RB1: variants seen among roughly 807,000 people sequenced by gnomAD.
The protein encoded by RB1 is retinoblastoma-associated protein.
A neutral mutation model predicts 135.4 loss-of-function variants in RB1; 18 were observed. The ratio of observed to expected loss-of-function variants is 0.13; its 90% CI spans 0.09 to 0.20. RB1 has a LOEUF of 0.20. Ranked by LOEUF, RB1 falls within the 10% of genes least tolerant of loss-of-function variation. The pLI, the probability that RB1 is intolerant of heterozygous loss-of-function variation, is 1.00. For missense variants in RB1, 868 were observed against 1,110.0 expected (o/e 0.78, Z 3.10); for synonymous variants, 365 against 373.2 (o/e 0.98, Z 0.25).
At position 48,349,031 on chromosome 13, in the gene RB1, CATTAT is replaced by C. The variant is rs775605244; in HGVS notation, c.607+12_607+16del. The C allele has an allele frequency of 1.7e-5, 27 of 1,587,974 alleles. No homozygotes were observed. In the South Asian group the frequency reaches 3.1e-4, roughly 18 times the overall value. ...CATTTTTATTAGCTAAAGGTAAGTT[CATTAT>C]ATTTATTAAATGCTAATATTTCAAA... On this transcript the variant is annotated intron_variant, in intron 6 of 26. Transcript: ENST00000267163.
chr13:48,328,203 T>G, intron 2 of RB1: 1 of 1,477,986 alleles, frequency 6.8e-7, no homozygotes, highest in Non-Finnish European at 9.5e-7. Flanking sequence ...TGTTGGTGTA[T>G]CCCTTGCAAT....
chr13:48,388,986 C>T (rs1948592306), intron 17 of RB1, among the ~76,000 whole-genome samples: 1 of 151,838 alleles, frequency 6.6e-6, no homozygotes, highest in African/African-American at 2.4e-5. Context: ...ATGACAAAAC[C>T]CTGTCTCTAC....
At chr13:48,456,177 GA>G (rs775555783) in intron 18 of RB1, 26 bp from the exon 19 acceptor site, 1 of 1,612,974 alleles carries the variant, frequency 6.2e-7, no homozygotes, top group African/African-American at 1.3e-5. Flanking sequence ...AACTTGAAAT[GA>G]AGACTTTTCC....
In RB1 at chr13:48,447,353, G is replaced by A. The variant is rs557537285; in HGVS notation, c.1696-5640G>A. 3.3e-5 allele frequency among the ~76,000 whole-genome samples: 5 copies of A among 152,186 alleles called. No homozygotes were observed. The South Asian group carries it at 1.0e-3, about 32-fold the overall frequency. ...TGAAATACTCCTTCAAGGCTATTTAGTATCTGACAAATGGAGCATTGTTAC... is the reference window on the plus strand; with the variant it reads ...TGAAATACTCCTTCAAGGCTATTTAATATCTGACAAATGGAGCATTGTTAC... On this transcript the variant is annotated intron_variant, in intron 17 of 26. Transcript: ENST00000267163.
At chr13:48,459,886 A>C (rs969872123) in intron 20 of RB1, 53 bp downstream of exon 20, 1 of 1,004,912 alleles carries the variant, frequency 1.0e-6, no homozygotes, top group African/African-American at 2.6e-5. Context: ...TTGTTAACTG[A>C]TTCTTTCTTT....
intron 17 of RB1, among the ~76,000 whole-genome samples, chr13:48,452,495 A>G (rs947253707): frequency 1.3e-5 from 2 of 152,072 alleles, no homozygotes; most frequent in Non-Finnish European, 2.9e-5. Flanking sequence ...ATTATTCATA[A>G]TAATTCCCTA....
intron 17 of RB1, chr13:48,406,588 C>T (rs963433396): frequency 6.6e-6 from 1 of 152,220 alleles, no homozygotes; most frequent in African/African-American, 2.4e-5. Context: ...CACAGCTTCT[C>T]AGCACTTAAC....
intron 2 of RB1, chr13:48,317,836 G>T: frequency 2.7e-6 from 1 of 370,428 alleles, no homozygotes; most frequent in South Asian, 2.4e-5. Context: ...GCACACGCCA[G>T]GCGGTGGGGC....
intron 2 of RB1, chr13:48,317,116 CA>C: frequency 1.1e-6 from 1 of 904,784 alleles, no homozygotes; most frequent in Non-Finnish European, 1.5e-6. Flanking sequence ...TGTGGGCTTC[CA>C]AAGACAGGGC....
intron 20 of RB1, among the ~76,000 whole-genome samples, chr13:48,462,041 C>G (rs1000887895): frequency 6.6e-6 from 1 of 152,108 alleles, no homozygotes; most frequent in Non-Finnish European, 1.5e-5. Context: ...TTATGTTGGT[C>G]AGGCTGGTCT....
intron 17 of RB1, among the ~76,000 whole-genome samples, chr13:48,448,308 A>G (rs1372641730): frequency 2.6e-5 from 4 of 152,074 alleles, no homozygotes; most frequent in South Asian, 2.1e-4. Flanking sequence ...ATATGATTGG[A>G]GTTGTAGAGT....
chr13:48,416,407 C>G (rs1170797377), intron 17 of RB1: 1 of 152,208 alleles, frequency 6.6e-6, no homozygotes, highest in Admixed American at 6.5e-5. Context: ...GGCCCAGACT[C>G]TATGCCTTTT....
intron 2 of RB1, chr13:48,318,385 T>C: frequency 1.7e-5 from 26 of 1,496,758 alleles, no homozygotes; most frequent in Non-Finnish European, 2.4e-5. Flanking sequence ...CGCTTGGACC[T>C]TAAGTCCTTG....
chr13:48,332,414 A>T lies in RB1; in HGVS notation c.265-10185A>T, dbSNP rs192655042. ...GAGACCCCCATCTCTACGAAAAATT[A>T]AAAAAAATTTTACAGGCGGTGACAT... is the stretch of plus-strand genomic sequence containing the variant. On this transcript the variant is annotated intron_variant, in intron 2 of 26. Coordinates refer to ENST00000267163, the MANE Select transcript of RB1 (RefSeq NM_000321.3). Among the ~76,000 whole-genome samples the T allele has an allele frequency of 4.4e-3, 671 of 152,170 alleles. 9 individuals are homozygous for T. The highest frequency in any genetic ancestry group is 0.015 in the African/African-American group (643 of 41,500).
At chr13:48,331,818 C>T (rs1480086249) in intron 2 of RB1, among the ~76,000 whole-genome samples, 3 of 152,148 alleles carry the variant, frequency 2.0e-5, no homozygotes. Flanking sequence ...GCATTATTCA[C>T]AGTCGCAAAG....
chr13:48,403,536 A>C (rs1948712524), intron 17 of RB1, among the ~76,000 whole-genome samples: 1 of 152,188 alleles, frequency 6.6e-6, no homozygotes, highest in Admixed American at 6.5e-5. Context: ...TGGAAGTGGG[A>C]GTCTTAGAGA....
intron 26 of RB1, 137 bp downstream of exon 26, chr13:48,477,541 G>T: frequency 1.4e-6 from 1 of 723,016 alleles, no homozygotes; most frequent in South Asian, 1.7e-5. Flanking sequence ...ATTCAATCAA[G>T]GTTATTTATC....
At chr13:48,348,767 C>T (rs1372322754) in intron 5 of RB1, among the ~76,000 whole-genome samples, 189 bp from the exon 6 acceptor site, 1 of 149,260 alleles carries the variant, frequency 6.7e-6, no homozygotes, top group Non-Finnish European at 1.5e-5. Context: ...GACATAGAAA[C>T]ATTAAATGAA....
intron 17 of RB1, among the ~76,000 whole-genome samples, chr13:48,430,667 G>T (rs1418806812): frequency 6.6e-6 from 1 of 152,144 alleles, no homozygotes; most frequent in African/African-American, 2.4e-5. Flanking sequence ...TTGAACCCAG[G>T]GGGCGGAGGT....
Sources: gnomAD v4.1 joint callset for allele counts (sites outside exome capture counted in the v4.1 genomes callset) on GRCh38, gnomAD v4.1.1 for gene constraint, MANE v1.5 for transcripts, NCBI Gene and HGNC (gene_info 2026-07-23, HGNC 2026-07-21) for gene names.